RTN1: variants seen among roughly 807,000 people sequenced by gnomAD.
The protein encoded by RTN1 is reticulon-1.
In RTN1, 25 loss-of-function variants were observed where a neutral mutation model predicts 65.5. That is an observed-to-expected ratio of 0.38 (90% CI 0.28 to 0.53). The LOEUF (loss-of-function observed/expected upper bound fraction) is 0.53. Among genes scored for constraint, RTN1 ranks in the 20% least tolerant of loss-of-function variants. The pLI, the probability that RTN1 is intolerant of heterozygous loss-of-function variation, is 0.79. For synonymous variants in RTN1, 471 were observed against 447.6 expected (o/e 1.05, Z -0.66); for missense variants, 983 against 1,025.4 (o/e 0.96, Z 0.57).
intron 1 of RTN1, among the ~76,000 whole-genome samples, chr14:59,812,793 A>G (rs1220610915): frequency 6.6e-6 from 1 of 152,242 alleles, no homozygotes; most frequent in Non-Finnish European, 1.5e-5. Flanking sequence ...TTTATAGCAG[A>G]ACTTATTGCA....
At chr14:59,748,014 A>G (rs1885264544) in intron 1 of RTN1, among the ~76,000 whole-genome samples, 1 of 152,112 alleles carries the variant, frequency 6.6e-6, no homozygotes, top group African/African-American at 2.4e-5. Flanking sequence ...TCATTTCATA[A>G]TCAAAGCAAT....
chr14:59,859,022 A>T (rs1887659075), intron 1 of RTN1, among the ~76,000 whole-genome samples: 1 of 152,216 alleles, frequency 6.6e-6, no homozygotes, highest in South Asian at 2.1e-4. Context: ...ACAAGGGAGA[A>T]CTAGAGGAGG....
Position 59,790,616 on chromosome 14 carries a change from T to C in RTN1, c.242-44135A>G, listed in dbSNP as rs1886330854. Among the ~76,000 whole-genome samples, 1 of 152,226 alleles carries C rather than the reference T, an allele frequency of 6.6e-6. No individual in the cohort carries two copies. The highest frequency in any genetic ancestry group is 1.5e-5 in the Non-Finnish European group (1 of 68,028). ...AAAGCTTAACCAGAGAATATATGTC[T>C]TGGCATTGAAGTTTCTGTATCAAAT... On this transcript the variant is annotated intron_variant, in intron 1 of 8. Transcript: ENST00000267484. The surrounding 1 kb of genome is among the most constrained non-coding windows in gnomAD (Gnocchi z 4.1).
intron 1 of RTN1, among the ~76,000 whole-genome samples, chr14:59,792,607 G>A (rs529523698): frequency 6.6e-6 from 1 of 152,240 alleles, no homozygotes; most frequent in Admixed American, 6.5e-5. Flanking sequence ...TCTGAAAAAG[G>A]AGTCAAAATC....
At chr14:59,826,401 T>C (rs1044476405) in intron 1 of RTN1, among the ~76,000 whole-genome samples, 1 of 152,218 alleles carries the variant, frequency 6.6e-6, no homozygotes, top group African/African-American at 2.4e-5. Flanking sequence ...AAGCACTCCA[T>C]ACCTGTTAAT....
intron 1 of RTN1, among the ~76,000 whole-genome samples, chr14:59,822,728 T>G (rs1886964070): frequency 6.6e-6 from 1 of 152,104 alleles, no homozygotes. Flanking sequence ...TTTTCATTAG[T>G]TTTTTTAATT....
intron 1 of RTN1, among the ~76,000 whole-genome samples, chr14:59,806,211 G>T (rs747762281): frequency 4.6e-5 from 7 of 151,556 alleles, no homozygotes; most frequent in Admixed American, 3.9e-4. Flanking sequence ...ACTCCAGCCT[G>T]GTGACAGGGT....
chr14:59,779,211 G>A (rs908294018), intron 1 of RTN1, among the ~76,000 whole-genome samples: 5 of 152,218 alleles, frequency 3.3e-5, no homozygotes, highest in Non-Finnish European at 2.9e-5. Context: ...GAGTGTGAAA[G>A]CTGAGAGTGA....
intron 2 of RTN1, among the ~76,000 whole-genome samples, chr14:59,732,344 G>A (rs187743349): frequency 2.0e-5 from 3 of 152,144 alleles, no homozygotes; most frequent in Admixed American, 6.5e-5. Context: ...AATCAGCTTC[G>A]GTCCCTGGCA....
intron 1 of RTN1, among the ~76,000 whole-genome samples, chr14:59,830,957 A>C (rs1389038404): frequency 6.6e-6 from 1 of 152,244 alleles, no homozygotes; most frequent in Non-Finnish European, 1.5e-5. Flanking sequence ...GGACCAGTTC[A>C]TGAAAAGATG....
chr14:59,621,771 TG>T (rs1168692273), intron 3 of RTN1, among the ~76,000 whole-genome samples: 2 of 152,248 alleles, frequency 1.3e-5, no homozygotes, highest in African/African-American at 4.8e-5. Flanking sequence ...ATACTTTAAA[TG>T]CATTCAAATG....
chr14:59,617,609 A>G (rs984671324), intron 3 of RTN1, among the ~76,000 whole-genome samples: 11 of 152,216 alleles, frequency 7.2e-5, no homozygotes, highest in African/African-American at 2.7e-4. Flanking sequence ...CACTGTTGTT[A>G]GCTGTTCTTG....
At chr14:59,616,269 T>C (rs1882098275) in intron 3 of RTN1, among the ~76,000 whole-genome samples, 1 of 152,214 alleles carries the variant, frequency 6.6e-6, no homozygotes, top group Non-Finnish European at 1.5e-5. Flanking sequence ...ATAATTATTA[T>C]GTTAACAGAC....
At position 59,816,442 on chromosome 14, in the gene RTN1, T is replaced by C. The variant is rs1594754000; in HGVS notation, c.241+53948A>G. On this transcript the variant is annotated intron_variant, in intron 1 of 8. Transcript: ENST00000267484. The surrounding 1 kb of genome is among the most constrained non-coding windows in gnomAD (Gnocchi z 4.3). ...TCGGAGAGCTCCTAGGAAACAAGAA[T>C]GGAATCCTCTTTAGCTCTGTATCTC... is the stretch of plus-strand genomic sequence containing the variant. 6.6e-6 allele frequency among the ~76,000 whole-genome samples: 1 copy of C among 152,206 alleles called. No homozygotes were observed. The highest frequency in any genetic ancestry group is 1.5e-5 in the Non-Finnish European group (1 of 68,032).
At position 59,727,646 on chromosome 14, in the gene RTN1, C is replaced by A; in HGVS notation, c.1038G>T (p.Gln346His). The A allele has an allele frequency of 6.2e-7, 1 of 1,606,398 alleles. No individual in the cohort carries two copies. Among genetic ancestry groups the A allele is most frequent in the Non-Finnish European group, 8.5e-7 (1 of 1,176,034 alleles). The change falls in exon 3 of 9, where the codon CAG becomes CAT. Residue 346 changes from glutamine to histidine, a missense_variant. Coordinates refer to ENST00000267484, the MANE Select transcript of RTN1 (RefSeq NM_021136.3). This position sits in a 1 kb window ranked among gnomAD's most constrained non-coding sequence, Gnocchi z 4.2. ...CATCCTCGGAGATGCTGCCTTTCCC[C>A]TGGGATTCTGCAGCAGATGGTTCTG... ...SGTEPSAAES[Q>H]GKGSISEDEL...
chr14:59,785,888 G>A (rs1428802743), intron 1 of RTN1, among the ~76,000 whole-genome samples: 1 of 152,124 alleles, frequency 6.6e-6, no homozygotes, highest in Non-Finnish European at 1.5e-5. Flanking sequence ...GTTCTCTCTT[G>A]AGAGAGTTTA....
intron 1 of RTN1, among the ~76,000 whole-genome samples, chr14:59,823,241 C>T (rs2139631204): frequency 6.6e-6 from 1 of 151,774 alleles, no homozygotes; most frequent in East Asian, 1.9e-4. Context: ...TTGGGTTGGG[C>T]CCTTTGTCAT....
At chr14:59,662,224 A>G (rs577214311) in intron 3 of RTN1, among the ~76,000 whole-genome samples, 4 of 151,310 alleles carry the variant, frequency 2.6e-5, no homozygotes, top group East Asian at 1.9e-4. Flanking sequence ...GGTTTGTTAC[A>G]TATGTATACA....
At chr14:59,814,285 C>G (rs1315058270) in intron 1 of RTN1, among the ~76,000 whole-genome samples, 1 of 152,326 alleles carries the variant, frequency 6.6e-6, no homozygotes, top group Middle Eastern at 3.4e-3. Flanking sequence ...AAGGCTCTTA[C>G]TGGATTTATA....
Sources: allele counts gnomAD v4.1 joint callset (sites outside exome capture counted in the v4.1 genomes callset), GRCh38; gene constraint gnomAD v4.1.1; non-coding constraint Gnocchi (gnomAD v3.1); transcripts MANE v1.5; gene names NCBI Gene and HGNC (gene_info 2026-07-23, HGNC 2026-07-21).